Variants in SSC4D observed in about 807,000 individuals in gnomAD.
The protein encoded by SSC4D is scavenger receptor cysteine rich family member with 4 domains.
In SSC4D, 57 loss-of-function variants were observed where a neutral mutation model predicts 63.4. The ratio of observed to expected loss-of-function variants is 0.90; its 90% CI spans 0.73 to 1.12. The LOEUF is 1.12. SSC4D is among the 50% of genes most tolerant of loss of function. The pLI is 0.00. For synonymous variants in SSC4D, 352 were observed against 345.4 expected (o/e 1.02, Z -0.21); for missense variants, 791 against 806.4 (o/e 0.98, Z 0.23).
At chr7:76,402,182 A>ATTTTTTTT (rs57389874) in intron 2 of SSC4D, among the ~76,000 whole-genome samples, 2 of 127,234 alleles carry the variant, frequency 1.6e-5, no homozygotes, top group African/African-American at 5.8e-5. Context: ...CTGCCCAGCT[A>ATTTTTTTT]TTTTTTTTTT....
rs763105538 is a variant in SSC4D at position 76,398,743 on chromosome 7, G to A, written c.530C>T (p.Pro177Leu). ...TRKMLTSRAP[P>L]TTLPNGKSEG... ...ACTTTTTCCATTCGGCAGTGTCGTA[G>A]GAGGTGCTCTACTGGTTAACATCTT... The change falls in exon 5 of 11, where the codon CCT becomes CTT. Residue 177 changes from proline (P) to leucine (L), a missense_variant. Physicochemically the swap from Pro to Leu is moderately conservative, Grantham distance 98 (BLOSUM62 -3). Coordinates refer to ENST00000275560, the MANE Select transcript of SSC4D (RefSeq NM_080744.2). The A allele has an allele frequency of 1.7e-5, 27 of 1,613,456 alleles. No individual in the cohort carries two copies. Among genetic ancestry groups the A allele is most frequent in the Middle Eastern group, 1.7e-4 (1 of 6,004 alleles).
intron 5 of SSC4D, among the ~76,000 whole-genome samples, chr7:76,398,076 C>A (rs1804699516): frequency 6.6e-6 from 1 of 152,140 alleles, no homozygotes; most frequent in South Asian, 2.1e-4. Flanking sequence ...GCTGCCTTCT[C>A]ATCTACTGCA....
rs376199686 is a variant in SSC4D at position 76,404,402 on chromosome 7, A to T, written c.38T>A (p.Leu13Gln). ...KEAEMLIGPQLDEKRWGWRLG... is the reference protein window; with the variant it reads ...KEAEMLIGPQQDEKRWGWRLG... Reference sequence around the variant, plus strand: ...CCTCCACCCCCAGCGCTTCTCATCCAGCTGGGGACCAATTAGCATCTCTGC... The same window carrying T: ...CCTCCACCCCCAGCGCTTCTCATCCTGCTGGGGACCAATTAGCATCTCTGC... Residue 13 changes from leucine to glutamine, a missense_variant, in exon 2 of 11, where the codon CTG becomes CAG. Transcript: ENST00000275560. The T allele has an allele frequency of 1.9e-6, 3 of 1,613,962 alleles. No homozygotes were observed. Among genetic ancestry groups the T allele is most frequent in the Non-Finnish European group, 2.5e-6 (3 of 1,180,010 alleles).
In SSC4D at chr7:76,393,918, G is replaced by A. The variant is rs1344333166; in HGVS notation, c.947-14C>T. 6.3e-7 allele frequency: 1 copy of A among 1,592,078 alleles called. No individual in the cohort carries two copies. The highest frequency in any genetic ancestry group is 1.3e-5 in the African/African-American group (1 of 74,584). ...CAACTCCTGTAGCTGTGGAGACAGG[G>A]CATCTAGGGCGTTCGAAGGGGACGA... On this transcript the variant is annotated splice_polypyrimidine_tract_variant and intron_variant, in intron 7 of 10. Coordinates refer to ENST00000275560, the MANE Select transcript of SSC4D (RefSeq NM_080744.2).
chr7:76,407,611 T>C lies in SSC4D; in HGVS notation c.-67+1803A>G, dbSNP rs193040200. ...AGCTGGGCATGGTGGTGCATGCCTG[T>C]AATCCCAGTGCTTTGGGAGGCTAAG... On this transcript the variant is annotated intron_variant, in intron 1 of 10. Transcript: ENST00000275560. 8.4e-4 allele frequency among the ~76,000 whole-genome samples: 128 copies of C among 152,208 alleles called. 1 individual carries two copies. Among genetic ancestry groups the C allele is most frequent in the African/African-American group, 2.8e-3 (118 of 41,542 alleles).
Position 76,390,381 on chromosome 7 carries a change from G to A in SSC4D, c.1412-6C>T. 1 of 1,570,790 alleles carries A rather than the reference G, an allele frequency of 6.4e-7. No homozygotes were observed. Among genetic ancestry groups the A allele is most frequent in the South Asian group, 1.2e-5 (1 of 84,254 alleles). ...ATTGACCAGACGTAGATGCCCTGTG[G>A]GGGGACAGGGCTGGGTTGGAAGGGG... is the stretch of plus-strand genomic sequence containing the variant. On this transcript the variant is annotated splice_polypyrimidine_tract_variant and splice_region_variant and intron_variant, in intron 10 of 10. Transcript: ENST00000275560.
At chr7:76,407,033 T>C (rs1262249220) in intron 1 of SSC4D, among the ~76,000 whole-genome samples, 1 of 152,172 alleles carries the variant, frequency 6.6e-6, no homozygotes, top group Non-Finnish European at 1.5e-5. Flanking sequence ...TGATCTCAGC[T>C]CACTGCAACC....
At position 76,390,186 on chromosome 7, in the gene SSC4D, G is replaced by A; in HGVS notation, c.1601C>T (p.Pro534Leu). 6.2e-7 allele frequency: 1 copy of A among 1,614,246 alleles called. No individual in the cohort carries two copies. Among genetic ancestry groups the A allele is most frequent in the South Asian group, 1.1e-5 (1 of 91,090 alleles). ...GCACTTGACATTGTCCAGGAGAATG[G>A]GGCCTCGGCCTGGGCCAAAGTGAGC... ...GEAHFGPGRG[P>L]ILLDNVKCRG... Residue 534 changes from proline (P) to leucine (L), a missense_variant, in exon 11 of 11, where the codon CCC becomes CTC. Pro to Leu is a moderately conservative substitution (Grantham distance 98). Coordinates refer to ENST00000275560, the MANE Select transcript of SSC4D (RefSeq NM_080744.2).
chr7:76,397,710 C>G lies in SSC4D; in HGVS notation c.676G>C (p.Val226Leu), dbSNP rs375655664. Residue 226 changes from valine (V) to leucine (L), a missense_variant, in exon 6 of 11, where the codon GTC (valine) becomes CTC (leucine). Physicochemically the swap from Val to Leu is conservative, Grantham distance 32. Coordinates refer to ENST00000275560, the MANE Select transcript of SSC4D (RefSeq NM_080744.2). The part of the protein sequence containing the change: ...DDWGLPDAAV[V>L]CRQLGCGAAM... The stretch of plus-strand genomic sequence containing the variant: ...GCCCCGCAGCCCAGCTGACGACAGA[C>G]CACAGCGGCATCCGGCAGCCCCCAG... 5.6e-6 allele frequency: 9 copies of G among 1,613,366 alleles called. No homozygotes were observed. The highest frequency in any genetic ancestry group is 1.3e-5 in the African/African-American group (1 of 74,942).
chr7:76,400,681 T>A, intron 3 of SSC4D, 90 bp from the exon 4 acceptor site: 1 of 1,334,790 alleles, frequency 7.5e-7, no homozygotes, highest in Non-Finnish European at 9.8e-7. Context: ...TTATTATTAT[T>A]TTTTTTGGTA....
chr7:76,395,124 T>C, intron 7 of SSC4D, 129 bp downstream of exon 7: 1 of 1,021,874 alleles, frequency 9.8e-7, no homozygotes. Flanking sequence ...CACCCACCTC[T>C]GCACCATCTG....
At chr7:76,404,209 C>T (rs372992436) in intron 2 of SSC4D, 98 bp downstream of exon 2, 38 of 1,418,060 alleles carry the variant, frequency 2.7e-5, no homozygotes, top group Non-Finnish European at 3.1e-5. Flanking sequence ...ACAACAGGAA[C>T]GAGCTCATTC....
Position 76,398,762 on chromosome 7 carries a change from A to G in SSC4D, c.511T>C (p.Leu171=). Reference sequence around the variant, plus strand: ...GTCGTAGGAGGTGCTCTACTGGTTAACATCTTCCTTGTTGGGGGCTGCGTT... The same window carrying G: ...GTCGTAGGAGGTGCTCTACTGGTTAGCATCTTCCTTGTTGGGGGCTGCGTT... ...LPTQPPTRKM[L]TSRAPPTTLP... The change falls in exon 5 of 11, where the codon TTA becomes CTA. Residue 171 remains leucine (L), a synonymous_variant. Transcript: ENST00000275560. 2 of 1,613,470 alleles carry G rather than the reference A, an allele frequency of 1.2e-6. No homozygotes were observed. The highest frequency in any genetic ancestry group is 8.5e-7 in the Non-Finnish European group (1 of 1,179,548).
In SSC4D at chr7:76,404,478, C is replaced by T. The variant is rs1191681829; in HGVS notation, c.-39G>A. On this transcript the variant is annotated 5_prime_UTR_variant, in exon 2 of 11. Coordinates refer to ENST00000275560, the MANE Select transcript of SSC4D (RefSeq NM_080744.2). ...GGTGTTTCAGATGCTCCCATCAAGG[C>T]GCCAGGGAGAAGTCACAGTTGGAAC... 6.2e-6 allele frequency: 10 copies of T among 1,613,596 alleles called. No individual in the cohort carries two copies. The highest frequency in any genetic ancestry group is 2.2e-5 in the East Asian group (1 of 44,860).
At chr7:76,407,998 T>G (rs1382796471) in intron 1 of SSC4D, among the ~76,000 whole-genome samples, 1 of 152,130 alleles carries the variant, frequency 6.6e-6, no homozygotes, top group East Asian at 1.9e-4. Context: ...GAGACTGAAC[T>G]GGCAGGACTG....
chr7:76,393,344 G>C, intron 9 of SSC4D, 61 bp downstream of exon 9: 1 of 1,289,858 alleles, frequency 7.8e-7, no homozygotes, highest in Non-Finnish European at 9.8e-7. Flanking sequence ...GCGCCGCCCC[G>C]CCCCTCCCAC....
intron 7 of SSC4D, among the ~76,000 whole-genome samples, chr7:76,394,768 T>TATAA (rs1554621451): frequency 8.2e-6 from 1 of 122,132 alleles, no homozygotes; most frequent in African/African-American, 3.4e-5. Flanking sequence ...TATATATATA[T>TATAA]AAAATATGTA....
chr7:76,398,664 G>T, intron 5 of SSC4D, 56 bp downstream of exon 5: 2 of 1,538,508 alleles, frequency 1.3e-6, no homozygotes, highest in Non-Finnish European at 1.8e-6. Context: ...CCTAGGGTAG[G>T]GTGTGAGAGA....
At chr7:76,408,984 A>G (rs562207749) in intron 1 of SSC4D, among the ~76,000 whole-genome samples, 61 of 152,258 alleles carry the variant, frequency 4.0e-4, no homozygotes, top group African/African-American at 1.3e-3. Flanking sequence ...GGCTTTCGTG[A>G]TCCACTTACC....
Sources: allele counts gnomAD v4.1 joint callset (sites outside exome capture counted in the v4.1 genomes callset), GRCh38; gene constraint gnomAD v4.1.1; transcripts MANE v1.5; gene names NCBI Gene and HGNC (gene_info 2026-07-23, HGNC 2026-07-21).